EFHC1: variants seen among roughly 807,000 people sequenced by gnomAD.
The protein encoded by EFHC1 is EF-hand domain containing 1, also known as EF-hand domain-containing protein 1.
EFHC1 carries 53 observed loss-of-function variants against 69.9 expected under a neutral mutation model. The observed-to-expected ratio is 0.76, with a 90% CI of 0.61 to 0.95. EFHC1 has a LOEUF of 0.95. Ranked by LOEUF, EFHC1 falls within the 40% of genes least tolerant of loss-of-function variation. The probability of loss-of-function intolerance (pLI) is 0.00; values close to 1 mark genes in which losing one functional copy is unlikely to be tolerated. For synonymous variants in EFHC1, 256 were observed against 278.4 expected (o/e 0.92, Z 0.80); for missense variants, 739 against 798.7 (o/e 0.93, Z 0.90).
intron 3 of EFHC1, among the ~76,000 whole-genome samples, chr6:52,441,249 A>T (rs928448791): frequency 1.3e-5 from 2 of 152,082 alleles, no homozygotes; most frequent in Non-Finnish European, 2.9e-5. Context: ...GTTGTCTTCC[A>T]GGGTGTTTAT....
chr6:52,490,258 G>T lies in EFHC1; in HGVS notation c.1759G>T (p.Asp587Tyr). 1 of 1,614,118 alleles carries T rather than the reference G, an allele frequency of 6.2e-7. No individual in the cohort carries two copies. Among genetic ancestry groups the T allele is most frequent in the Middle Eastern group, 1.6e-4 (1 of 6,062 alleles). The change falls in exon 10 of 11, where the codon GAC (aspartate) becomes TAC (tyrosine). Residue 587 changes from aspartate to tyrosine, a missense_variant. Transcript: ENST00000371068. ...DNIREAFQIY[D>Y]KEASGYVDRD... ...CATTCGTGAGGCATTTCAAATTTAT[G>T]ACAAGGAAGCTTCAGGATATGTGGA... is the stretch of plus-strand genomic sequence containing the variant.
chr6:52,467,511 G>T (rs1461369554), intron 6 of EFHC1, among the ~76,000 whole-genome samples: 2 of 151,920 alleles, frequency 1.3e-5, no homozygotes, highest in South Asian at 2.1e-4. Context: ...GGAATTTTTT[G>T]AGTCTTAGAA....
chr6:52,494,851 TC>T lies in EFHC1; in HGVS notation c.*2512del, dbSNP rs751175498. On this transcript the variant is annotated 3_prime_UTR_variant, in exon 11 of 11. Transcript: ENST00000371068. ...TTTAGGATAATGGCCTCCAGCTGCATCCATGTTGCTGCAGAATACATGATTT... is the reference window on the plus strand; with the variant it reads ...TTTAGGATAATGGCCTCCAGCTGCATCATGTTGCTGCAGAATACATGATTT... 12 of 451,982 alleles carry T rather than the reference TC, an allele frequency of 2.7e-5. No individual in the cohort carries two copies. The highest frequency in any genetic ancestry group is 5.3e-5 in the Non-Finnish European group (12 of 225,206). 28.0% of individuals were successfully genotyped at this position (451,982 alleles called of 1,614,324 possible).
intron 1 of EFHC1, 174 bp from the exon 2 acceptor site, chr6:52,423,772 C>T: frequency 6.7e-7 from 1 of 1,497,616 alleles, no homozygotes; most frequent in Non-Finnish European, 8.9e-7. Context: ...TCCCAGAGTT[C>T]TGGGATTATA....
At chr6:52,471,176 G>A (rs998866799) in intron 7 of EFHC1, among the ~76,000 whole-genome samples, 5 of 152,202 alleles carry the variant, frequency 3.3e-5, no homozygotes, top group African/African-American at 1.2e-4. Context: ...CCACCTGTGA[G>A]GACAAACATT....
At chr6:52,461,105 A>C (rs922055530) in intron 5 of EFHC1, among the ~76,000 whole-genome samples, 1 of 152,148 alleles carries the variant, frequency 6.6e-6, no homozygotes, top group Non-Finnish European at 1.5e-5. Context: ...TCAGGGGTAC[A>C]TGTGCAGGTT....
chr6:52,473,095 G>C (rs1326893380), intron 7 of EFHC1, among the ~76,000 whole-genome samples: 2 of 152,136 alleles, frequency 1.3e-5, no homozygotes, highest in African/African-American at 4.8e-5. Context: ...AGATACTCTT[G>C]GAGAAGAGCA....
chr6:52,434,777 G>T (rs1764493976), intron 2 of EFHC1, among the ~76,000 whole-genome samples: 1 of 152,106 alleles, frequency 6.6e-6, no homozygotes, highest in Non-Finnish European at 1.5e-5. Flanking sequence ...CATTCTTTGT[G>T]GGAGGAGCAC....
chr6:52,471,537 T>C (rs1765435443), intron 7 of EFHC1, among the ~76,000 whole-genome samples: 1 of 152,078 alleles, frequency 6.6e-6, no homozygotes, highest in South Asian at 2.1e-4. Context: ...GACAATAGAA[T>C]ATACTTATAG....
intron 3 of EFHC1, among the ~76,000 whole-genome samples, chr6:52,442,842 C>T (rs1215177362): frequency 1.3e-5 from 2 of 152,124 alleles, no homozygotes; most frequent in Admixed American, 6.5e-5. Flanking sequence ...TATGGTATTT[C>T]TTGTTCTGGA....
chr6:52,483,130 C>T, intron 9 of EFHC1: 1 of 337,260 alleles, frequency 3.0e-6, no homozygotes. Context: ...TGTTTAATTA[C>T]ATTGTGGTTA....
chr6:52,464,981 C>G lies in EFHC1; in HGVS notation c.1003C>G (p.Leu335Val), dbSNP rs749929571. Residue 335 changes from leucine (L) to valine (V), a missense_variant, in exon 6 of 11, where the codon CTC becomes GTC. Coordinates refer to ENST00000371068, the MANE Select transcript of EFHC1 (RefSeq NM_018100.4). ...TAAAGACTTCATTGTTGGGAAGTCA[C>G]TCACTATCCTTGGGAGAACTTTCTT... ...TAKDFIVGKS[L>V]TILGRTFFIY... The G allele has an allele frequency of 6.2e-7, 1 of 1,614,134 alleles. No homozygotes were observed. The highest frequency in any genetic ancestry group is 8.5e-7 in the Non-Finnish European group (1 of 1,179,982).
At chr6:52,471,863 G>C (rs879911495) in intron 7 of EFHC1, among the ~76,000 whole-genome samples, 2 of 151,134 alleles carry the variant, frequency 1.3e-5, no homozygotes, top group South Asian at 4.2e-4. Flanking sequence ...GCAAGACTCC[G>C]TCTAAAAATA....
In EFHC1 at chr6:52,477,231, T is replaced by C. The variant is rs927424999; in HGVS notation, c.1279-1806T>C. On this transcript the variant is annotated intron_variant, in intron 7 of 10. Transcript: ENST00000371068. The stretch of plus-strand genomic sequence containing the variant: ...TTGATTTTAACTATATTGTAGTTGT[T>C]TAACATTTATATTTTTATTACATGG... 3.6e-4 allele frequency among the ~76,000 whole-genome samples: 55 copies of C among 152,292 alleles called. 1 individual carries two copies. Among genetic ancestry groups the C allele is most frequent in the African/African-American group, 1.2e-3 (50 of 41,562 alleles).
At chr6:52,445,168 T>G (rs1163137676) in intron 3 of EFHC1, among the ~76,000 whole-genome samples, 1 of 151,754 alleles carries the variant, frequency 6.6e-6, no homozygotes, top group Non-Finnish European at 1.5e-5. Flanking sequence ...TTTTATTGCA[T>G]CTATTTGATT....
At chr6:52,453,435 A>G in intron 4 of EFHC1, 1 of 1,287,170 alleles carries the variant, frequency 7.8e-7, no homozygotes, top group Non-Finnish European at 1.0e-6. Flanking sequence ...GGAGAAAGAA[A>G]AGGAAGAGAT....
intron 5 of EFHC1, 51 bp downstream of exon 5, chr6:52,454,338 T>C (rs1764992614): frequency 6.2e-7 from 1 of 1,609,732 alleles, no homozygotes; most frequent in South Asian, 1.1e-5. Context: ...TTTAGGTTCT[T>C]AAAGGAGTTA....
In EFHC1 at chr6:52,492,813, T is replaced by C. The variant is rs2114040387; in HGVS notation, c.*472T>C. 2.3e-6 allele frequency: 1 copy of C among 441,132 alleles called. No individual in the cohort carries two copies. Among genetic ancestry groups the C allele is most frequent in the East Asian group, 7.0e-5 (1 of 14,240 alleles). 27.3% of individuals were successfully genotyped at this position (441,132 alleles called of 1,614,324 possible). A position where few individuals can be genotyped will look rare whatever the true frequency, so the allele number is the denominator to read the frequency against. ...AAATTATTTTGTAGAGACAAGGTCT[T>C]GCTAGGTTGCCTGAACTTGTCTCAA... is the stretch of plus-strand genomic sequence containing the variant. On this transcript the variant is annotated 3_prime_UTR_variant, in exon 11 of 11. Coordinates refer to ENST00000371068, the MANE Select transcript of EFHC1 (RefSeq NM_018100.4).
intron 3 of EFHC1, among the ~76,000 whole-genome samples, chr6:52,445,370 A>G (rs1463829900): frequency 1.3e-5 from 2 of 151,674 alleles, no homozygotes; most frequent in Admixed American, 6.6e-5. Context: ...ACATACGTAT[A>G]CATGTGCCAT....
Sources: gnomAD v4.1 joint callset for allele counts (sites outside exome capture counted in the v4.1 genomes callset) on GRCh38, gnomAD v4.1.1 for gene constraint, MANE v1.5 for transcripts, NCBI Gene and HGNC (gene_info 2026-07-23, HGNC 2026-07-21) for gene names.